The following SLC1A6 variants were observed in gnomAD, a reference collection of about 807,000 sequenced individuals.
SLC1A6 encodes solute carrier family 1 member 6.
A neutral mutation model predicts 42.1 loss-of-function variants in SLC1A6; 15 were observed. The ratio of observed to expected loss-of-function variants is 0.36; its 90% CI spans 0.24 to 0.55. The LOEUF (loss-of-function observed/expected upper bound fraction) is 0.55. SLC1A6 is among the 20% of genes least tolerant of loss of function. The pLI, the probability that SLC1A6 is intolerant of heterozygous loss-of-function variation, is 0.88. For synonymous variants in SLC1A6, 317 were observed against 319.7 expected, an observed-to-expected ratio of 0.99 and a Z score of 0.09; for missense variants, 542 against 772.5, an observed-to-expected ratio of 0.70 and a Z score of 3.54.
At chr19:14,975,821 CAAAGG>C (rs2045700407) in intron 1 of SLC1A6, among the ~76,000 whole-genome samples, 1 of 70,432 alleles carries the variant, frequency 1.4e-5, no homozygotes, top group Admixed American at 2.1e-4. Context: ...GGGAAGGGGA[CAAAGG>C]GAAGGGAAGG....
chr19:14,953,039 A>G lies in SLC1A6; in HGVS notation c.1388T>C (p.Val463Ala). Residue 463 changes from valine (V) to alanine (A), a missense_variant, in exon 9 of 10, where the codon GTT (valine) becomes GCT (alanine). Coordinates refer to ENST00000594383, the MANE Select transcript of SLC1A6 (RefSeq NM_005071.3). Reference sequence around the variant, plus strand: ...CGCCTGGGGGATGCCAGCAGCCCCAACACTGGCTGCTGTGGCCGTGATGCT... The same window carrying G: ...CGCCTGGGGGATGCCAGCAGCCCCAGCACTGGCTGCTGTGGCCGTGATGCT... ...TISITATAAS[V>A]GAAGIPQAGL... 6.2e-7 allele frequency: 1 copy of G among 1,613,796 alleles called. No homozygotes were observed. The highest frequency in any genetic ancestry group is 1.1e-5 in the South Asian group (1 of 91,040).
At chr19:14,951,784 C>T (rs1379421964) in intron 9 of SLC1A6, among the ~76,000 whole-genome samples, 1 of 151,974 alleles carries the variant, frequency 6.6e-6, no homozygotes, top group African/African-American at 2.4e-5. Context: ...TCCCAAAGTG[C>T]TGGGATTACA....
chr19:14,967,347 T>G (rs1273592878), intron 4 of SLC1A6, among the ~76,000 whole-genome samples: 1 of 152,186 alleles, frequency 6.6e-6, no homozygotes, highest in Non-Finnish European at 1.5e-5. Context: ...TACAGTCACC[T>G]GTAAACTAAA....
chr19:14,986,664 C>T (rs1445947167), intron 1 of SLC1A6, among the ~76,000 whole-genome samples: 5 of 150,948 alleles, frequency 3.3e-5, no homozygotes, highest in Non-Finnish European at 5.9e-5. Flanking sequence ...AATCATAGCT[C>T]ACTGTAGCCT....
At chr19:14,999,400 G>A (rs1338248565) in intron 1 of SLC1A6, among the ~76,000 whole-genome samples, 6 of 152,106 alleles carry the variant, frequency 3.9e-5, no homozygotes, top group Admixed American at 1.3e-4. Flanking sequence ...AAGTTGTCCC[G>A]TCTTTCTGAG....
intron 1 of SLC1A6, among the ~76,000 whole-genome samples, chr19:14,985,161 C>T (rs939948332): frequency 6.6e-6 from 1 of 152,204 alleles, no homozygotes; most frequent in African/African-American, 2.4e-5. Context: ...GGATTACAGG[C>T]GTAAAAAGTG....
chr19:14,962,659 CTT>C, intron 5 of SLC1A6, among the ~76,000 whole-genome samples: 1 of 152,292 alleles, frequency 6.6e-6, no homozygotes, highest in East Asian at 1.9e-4. Context: ...AATCCCAGCA[CTT>C]TGGAAGGTCG....
Position 14,972,928 on chromosome 19 carries a change from C to G in SLC1A6, c.-7-11G>C. ...CTGCTCATGGTCTATCTGCGGGAAA[C>G]AGAGAAGCCTGGGGCTGGTGAGGGC... is the stretch of plus-strand genomic sequence containing the variant. On this transcript the variant is annotated splice_polypyrimidine_tract_variant and intron_variant, in intron 1 of 9. Transcript: ENST00000594383. 6.4e-7 allele frequency: 1 copy of G among 1,551,736 alleles called. No individual in the cohort carries two copies. Among genetic ancestry groups the G allele is most frequent in the Non-Finnish European group, 8.7e-7 (1 of 1,145,638 alleles).
At chr19:14,995,644 G>A (rs887306736) in intron 1 of SLC1A6, among the ~76,000 whole-genome samples, 16 of 152,096 alleles carry the variant, frequency 1.1e-4, no homozygotes, top group Admixed American at 7.9e-4. Context: ...ATATATATAC[G>A]ATAAAACGTT....
Position 14,950,358 on chromosome 19 carries a change from C to A in SLC1A6, c.1532G>T (p.Gly511Val). 2 of 1,600,886 alleles carry A rather than the reference C, an allele frequency of 1.2e-6. No homozygotes were observed. Among genetic ancestry groups the A allele is most frequent in the Non-Finnish European group, 1.7e-6 (2 of 1,171,494 alleles). ...DRLRTMTNVLGDSIGAAVIEH... is the reference protein window; with the variant it reads ...DRLRTMTNVLVDSIGAAVIEH... ...GATGACGGCCGCTCCAATTGAGTCC[C>A]CCAGTACGTTGGTCATTGTGCGAAG... Residue 511 changes from glycine (G) to valine (V), a missense_variant, in exon 10 of 10, where the codon GGG (glycine) becomes GTG (valine). Physicochemically the swap from Gly to Val is moderately radical, Grantham distance 109. Transcript: ENST00000594383.
intron 1 of SLC1A6, among the ~76,000 whole-genome samples, chr19:15,006,591 T>C (rs1475570878): frequency 6.6e-6 from 1 of 151,668 alleles, no homozygotes; most frequent in African/African-American, 2.4e-5. Context: ...CCAGGGTCAT[T>C]CATTCTTTCT....
upstream of SLC1A6, among the ~76,000 whole-genome samples, chr19:14,984,445 T>C (rs566011512): frequency 4.6e-5 from 7 of 152,332 alleles, no homozygotes; most frequent in South Asian, 6.2e-4. Flanking sequence ...TTGTTTTGGT[T>C]GAAATACATG....
chr19:14,971,900 G>T, intron 2 of SLC1A6, 26 bp from the exon 3 acceptor site: 1 of 1,613,012 alleles, frequency 6.2e-7, no homozygotes, highest in Non-Finnish European at 8.5e-7. Context: ...GGGGTCCATG[G>T]ACTGAAGTCT....
At chr19:14,954,423 G>A (rs2045442574) in intron 7 of SLC1A6, 94 bp from the exon 8 acceptor site, 1 of 1,150,106 alleles carries the variant, frequency 8.7e-7, no homozygotes, top group South Asian at 1.3e-5. Context: ...GGCAGAGAAT[G>A]GGGCGTGGCC....
intron 7 of SLC1A6, 28 bp from the exon 8 acceptor site, chr19:14,954,357 T>G (rs757465): frequency 8.1e-6 from 13 of 1,597,810 alleles, no homozygotes; most frequent in Non-Finnish European, 1.0e-5. Context: ...GGACTGAGGA[T>G]GGGGCGTGGC....
rs746854671 is a variant in SLC1A6 at position 14,954,368 on chromosome 19, C to T, written c.1170-39G>A. ...CCCAGGACTGAGGATGGGGCGTGGC[C>T]TGGTGGGGGCGGGGCTGGGAACAGG... is the stretch of plus-strand genomic sequence containing the variant. On this transcript the variant is annotated intron_variant, in intron 7 of 9. Coordinates refer to ENST00000594383, the MANE Select transcript of SLC1A6 (RefSeq NM_005071.3). The T allele has an allele frequency of 6.3e-6, 10 of 1,580,310 alleles. No individual in the cohort carries two copies. The Admixed American group carries it at 1.3e-4, about 21-fold the overall frequency.
At chr19:14,985,640 T>C (rs1050019992) in intron 1 of SLC1A6, among the ~76,000 whole-genome samples, 1 of 152,208 alleles carries the variant, frequency 6.6e-6, no homozygotes, top group African/African-American at 2.4e-5. Context: ...TCTTTATAAA[T>C]TACCCAGTCT....
At chr19:14,996,535 T>C (rs1359905025) in intron 1 of SLC1A6, among the ~76,000 whole-genome samples, 38 of 114,340 alleles carry the variant, frequency 3.3e-4, no homozygotes, top group Admixed American at 1.8e-3. Flanking sequence ...CTCTTTCTTC[T>C]TCTTCTTCTT....
At chr19:14,956,730 C>G in intron 6 of SLC1A6, 21 bp from the exon 7 acceptor site, 3 of 1,522,864 alleles carry the variant, frequency 2.0e-6, no homozygotes, top group Non-Finnish European at 2.7e-6. Context: ...GAGCCACATA[C>G]CTGTCAGGGC....
Sources: allele counts gnomAD v4.1 joint callset (sites outside exome capture counted in the v4.1 genomes callset), GRCh38; gene constraint gnomAD v4.1.1; transcripts MANE v1.5; gene names NCBI Gene and HGNC (gene_info 2026-07-23, HGNC 2026-07-21).